The following DLG2 variants were observed in gnomAD, a reference collection of about 807,000 sequenced individuals.
DLG2 encodes the protein discs large MAGUK scaffold protein 2.
DLG2 carries 45 observed loss-of-function variants against 132.5 expected under a neutral mutation model. The observed-to-expected ratio is 0.34, with a 90% confidence interval of 0.27 to 0.44. DLG2 has a LOEUF of 0.44. Among genes scored for constraint, DLG2 ranks in the 20% least tolerant of loss-of-function variants. The pLI, the probability that DLG2 is intolerant of heterozygous loss-of-function variation, is 1.00. For missense variants in DLG2, 1,045 were observed against 1,196.9 expected, an observed-to-expected ratio of 0.87 and a Z score of 1.87; for synonymous variants, 424 against 419.6, an observed-to-expected ratio of 1.01 and a Z score of -0.13.
At chr11:84,722,753 G>A (rs577563592) in intron 6 of DLG2, among the ~76,000 whole-genome samples, 1 of 152,280 alleles carries the variant, frequency 6.6e-6, no homozygotes, top group African/African-American at 2.4e-5. Flanking sequence ...GACCCTCAGA[G>A]TTGAGTTACA....
At chr11:85,534,364 T>C (rs1049298290) in intron 3 of DLG2, among the ~76,000 whole-genome samples, 1 of 152,176 alleles carries the variant, frequency 6.6e-6, no homozygotes, top group African/African-American at 2.4e-5. Context: ...TAATTTTAGA[T>C]TTGGGGGTAC....
At chr11:85,069,920 T>C (rs1398670372) in intron 6 of DLG2, among the ~76,000 whole-genome samples, 1 of 152,060 alleles carries the variant, frequency 6.6e-6, no homozygotes, top group Non-Finnish European at 1.5e-5. Flanking sequence ...CCATCAATGA[T>C]AGACTGGATT....
At chr11:85,411,421 G>A (rs1182493530) in intron 3 of DLG2, among the ~76,000 whole-genome samples, 1 of 151,682 alleles carries the variant, frequency 6.6e-6, no homozygotes, top group East Asian at 1.9e-4. Context: ...GTACTAGTTG[G>A]GATATTGAAT....
chr11:85,170,298 T>C (rs183050948), intron 4 of DLG2, among the ~76,000 whole-genome samples: 57 of 152,250 alleles, frequency 3.7e-4, no homozygotes, highest in African/African-American at 1.3e-3. Context: ...TGTCTCTGTA[T>C]GACATTCTTT....
chr11:84,821,657 A>C (rs900315808), intron 6 of DLG2, among the ~76,000 whole-genome samples: 9 of 151,200 alleles, frequency 6.0e-5, no homozygotes, highest in African/African-American at 1.9e-4. Flanking sequence ...ACAACAAAAA[A>C]AACAAAAAAA....
At chr11:83,668,704 CACATATATATGTG>C (rs2076190751) in intron 18 of DLG2, among the ~76,000 whole-genome samples, 1 of 22,672 alleles carries the variant, frequency 4.4e-5, no homozygotes, top group Non-Finnish European at 8.5e-5. Context: ...TGTATATAAA[CACATATATATGTG>C]TATATAAACA....
At chr11:84,358,814 C>T (rs1359484556) in intron 7 of DLG2, among the ~76,000 whole-genome samples, 1 of 151,894 alleles carries the variant, frequency 6.6e-6, no homozygotes, top group Non-Finnish European at 1.5e-5. Context: ...CCAACAGCAA[C>T]CTATCAGATG....
chr11:85,158,537 A>T (rs946356862), intron 4 of DLG2, among the ~76,000 whole-genome samples: 15 of 152,066 alleles, frequency 9.9e-5, no homozygotes, highest in African/African-American at 3.4e-4. Context: ...TACAAAATAG[A>T]TTTGTGAGGG....
chr11:85,585,310 T>G (rs1217720237), intron 3 of DLG2, among the ~76,000 whole-genome samples: 1 of 152,186 alleles, frequency 6.6e-6, no homozygotes, highest in Non-Finnish European at 1.5e-5. Context: ...TCAGTTGACT[T>G]TAAGTATTTG....
At position 83,766,619 on chromosome 11, in the gene DLG2, T is replaced by C. The variant is rs141808744; in HGVS notation, c.1825+20071A>G. Reference sequence around the variant, plus strand: ...AGGTTATCTTTTCTAACAAACTGCCTGTTAATTTGTGGGAATGCTTCTGAG... The same window carrying C: ...AGGTTATCTTTTCTAACAAACTGCCCGTTAATTTGTGGGAATGCTTCTGAG... On this transcript the variant is annotated intron_variant, in intron 18 of 27. Transcript: ENST00000376104. 7.2e-5 allele frequency among the ~76,000 whole-genome samples: 11 copies of C among 152,274 alleles called. No homozygotes were observed. In the East Asian group the frequency reaches 2.1e-3, roughly 29 times the overall value.
Position 85,256,568 on chromosome 11 carries a change from G to A in DLG2, c.186+28652C>T, listed in dbSNP as rs143426856. On this transcript the variant is annotated intron_variant, in intron 4 of 27. Transcript: ENST00000376104. The stretch of plus-strand genomic sequence containing the variant: ...CATACCCACTTGGGCTCCAGGAGTC[G>A]CAGGCACCCACCCCTAGACACTACC... 4.7e-3 allele frequency among the ~76,000 whole-genome samples: 713 copies of A among 152,182 alleles called. 6 individuals are homozygous for A. Among genetic ancestry groups the A allele is most frequent in the African/African-American group, 0.016 (670 of 41,524 alleles).
intron 3 of DLG2, among the ~76,000 whole-genome samples, chr11:85,524,333 C>T (rs2074571042): frequency 6.6e-6 from 1 of 151,638 alleles, no homozygotes; most frequent in South Asian, 2.1e-4. Context: ...ACATTGTATG[C>T]CTGTATCAAA....
intron 6 of DLG2, among the ~76,000 whole-genome samples, chr11:84,642,087 T>A (rs1034334793): frequency 7.3e-6 from 1 of 137,142 alleles, no homozygotes; most frequent in East Asian, 2.0e-4. Context: ...TGTGTGTATA[T>A]GTAGAGTGTG....
chr11:83,793,953 A>C (rs1725954253), intron 17 of DLG2, among the ~76,000 whole-genome samples: 1 of 152,304 alleles, frequency 6.6e-6, no homozygotes, highest in Admixed American at 6.5e-5. Flanking sequence ...TTTGTCTAGC[A>C]CTTATACATT....
At chr11:83,721,935 G>T (rs1013205254) in intron 18 of DLG2, among the ~76,000 whole-genome samples, 1 of 152,138 alleles carries the variant, frequency 6.6e-6, no homozygotes. Flanking sequence ...AAGGATAAAA[G>T]GTTGCCAGAT....
chr11:83,557,178 C>T (rs1565790273), intron 19 of DLG2, among the ~76,000 whole-genome samples: 1 of 152,220 alleles, frequency 6.6e-6, no homozygotes, highest in East Asian at 1.9e-4. Flanking sequence ...GATGGTATCT[C>T]TGCCTTCACA....
chr11:85,489,153 C>A (rs1200033296), intron 3 of DLG2, among the ~76,000 whole-genome samples: 1 of 151,904 alleles, frequency 6.6e-6, no homozygotes, highest in Non-Finnish European at 1.5e-5. Flanking sequence ...AAAAATCATC[C>A]AACTATATAC....
At chr11:85,177,482 G>A (rs1279582946) in intron 4 of DLG2, among the ~76,000 whole-genome samples, 1 of 152,004 alleles carries the variant, frequency 6.6e-6, no homozygotes, top group Non-Finnish European at 1.5e-5. Context: ...AGAACACATG[G>A]ACACATGCAG....
At chr11:85,348,502 C>A (rs184352860) in intron 3 of DLG2, among the ~76,000 whole-genome samples, 2 of 152,220 alleles carry the variant, frequency 1.3e-5, no homozygotes, top group African/African-American at 4.8e-5. Flanking sequence ...GGATTACAGG[C>A]ATGAGCCACC....
Sources: gnomAD v4.1 joint callset for allele counts (sites outside exome capture counted in the v4.1 genomes callset) on GRCh38, gnomAD v4.1.1 for gene constraint, MANE v1.5 for transcripts, NCBI Gene and HGNC (gene_info 2026-07-23, HGNC 2026-07-21) for gene names.